KALRN: variants seen among roughly 807,000 people sequenced by gnomAD.
The protein encoded by KALRN is kalirin.
Under a neutral mutation model 353.7 loss-of-function variants are expected in KALRN, and 70 were observed. The observed-to-expected ratio is 0.20, with a 90% CI of 0.16 to 0.24. KALRN has a LOEUF of 0.24. Ranked by LOEUF, KALRN falls within the 10% of genes least tolerant of loss-of-function variation. The pLI, the probability that KALRN is intolerant of heterozygous loss-of-function variation, is 1.00. For synonymous variants in KALRN, 1,391 were observed against 1,434.8 expected, an observed-to-expected ratio of 0.97 and a Z score of 0.69; for missense variants, 2,791 against 3,756.7, an observed-to-expected ratio of 0.74 and a Z score of 6.72.
chr3:124,133,339 C>G (rs952427027), intron 1 of KALRN, among the ~76,000 whole-genome samples: 5 of 151,824 alleles, frequency 3.3e-5, no homozygotes, highest in African/African-American at 1.2e-4. Flanking sequence ...CTCTCCCCCA[C>G]CTCAAAAAAA....
chr3:124,429,986 G>A (rs948075957), intron 15 of KALRN, among the ~76,000 whole-genome samples: 6 of 152,138 alleles, frequency 3.9e-5, no homozygotes, highest in Non-Finnish European at 8.8e-5. Flanking sequence ...GGTGTGACCT[G>A]GGTATTCTCG....
chr3:124,065,632 TAAA>T lies in KALRN; in HGVS notation c.73+31837_73+31839del, dbSNP rs56298061. On this transcript the variant is annotated intron_variant, in intron 1 of 59. Transcript: ENST00000682506. ...CCATATGACTAAAACATTCCTTAGT[TAAA>T]AAAAAAAAAAAAAAAAAGAGTACAG... 5.7e-3 allele frequency among the ~76,000 whole-genome samples: 753 copies of T among 131,688 alleles called. 3 individuals are homozygous for T. The highest frequency in any genetic ancestry group is 0.034 in the East Asian group (151 of 4,476). The allele number at this position is 131,688 out of a possible 152,430, so 86.4% of individuals were successfully genotyped here.
intron 1 of KALRN, among the ~76,000 whole-genome samples, chr3:124,153,875 T>A (rs2068568182): frequency 2.0e-5 from 3 of 152,010 alleles, no homozygotes; most frequent in African/African-American, 4.8e-5. Context: ...CCAGTGATGA[T>A]GAGCATTTTT....
At chr3:124,615,374 C>A (rs920677617) in intron 34 of KALRN, among the ~76,000 whole-genome samples, 1 of 152,112 alleles carries the variant, frequency 6.6e-6, no homozygotes, top group Non-Finnish European at 1.5e-5. Flanking sequence ...ATTGGAATAA[C>A]TGTCAATATT....
intron 1 of KALRN, among the ~76,000 whole-genome samples, chr3:124,131,673 T>C (rs1247977762): frequency 6.6e-6 from 1 of 152,112 alleles, no homozygotes; most frequent in African/African-American, 2.4e-5. Flanking sequence ...TAGGAACACA[T>C]GAGGTGACTT....
chr3:124,544,486 G>A (rs903738573), intron 33 of KALRN, among the ~76,000 whole-genome samples: 5 of 152,140 alleles, frequency 3.3e-5, no homozygotes, highest in East Asian at 1.9e-4. Flanking sequence ...ACTTGTACCC[G>A]GGAGGCGGAG....
chr3:124,222,991 G>A (rs1249232553), intron 1 of KALRN, among the ~76,000 whole-genome samples: 1 of 151,836 alleles, frequency 6.6e-6, no homozygotes, highest in East Asian at 1.9e-4. Context: ...CAAGGTTCTA[G>A]GTGTATGTGA....
chr3:124,714,359 C>T (rs1412391629), intron 58 of KALRN, among the ~76,000 whole-genome samples: 2 of 152,180 alleles, frequency 1.3e-5, no homozygotes, highest in Admixed American at 6.5e-5. Context: ...TGACCCAGAA[C>T]TTCTGCCCCT....
At chr3:124,611,838 C>G (rs1168899004) in intron 34 of KALRN, among the ~76,000 whole-genome samples, 2 of 152,234 alleles carry the variant, frequency 1.3e-5, no homozygotes, top group Non-Finnish European at 2.9e-5. Flanking sequence ...ACATCCCAAA[C>G]TCGTTTCTGC....
At chr3:124,417,144 C>G (rs1576749316) in intron 14 of KALRN, among the ~76,000 whole-genome samples, 2 of 152,198 alleles carry the variant, frequency 1.3e-5, no homozygotes, top group East Asian at 3.8e-4. Flanking sequence ...TCTATTTGAG[C>G]CTCAAGTTGG....
intron 33 of KALRN, among the ~76,000 whole-genome samples, chr3:124,503,319 C>T (rs899437193): frequency 6.6e-5 from 10 of 152,234 alleles, no homozygotes; most frequent in South Asian, 2.1e-4. Flanking sequence ...AGTCACATCC[C>T]ACACCTGACA....
At chr3:124,137,720 G>A (rs1304229229) in intron 1 of KALRN, among the ~76,000 whole-genome samples, 1 of 152,120 alleles carries the variant, frequency 6.6e-6, no homozygotes, top group Non-Finnish European at 1.5e-5. Flanking sequence ...GGAGGCTGGA[G>A]GAAGAGGAGG....
At chr3:124,147,244 G>A (rs2067486731) in intron 1 of KALRN, among the ~76,000 whole-genome samples, 1 of 152,142 alleles carries the variant, frequency 6.6e-6, no homozygotes, top group African/African-American at 2.4e-5. Context: ...GGGAGCACAG[G>A]CAATAGGCTC....
intron 9 of KALRN, among the ~76,000 whole-genome samples, chr3:124,344,581 T>A (rs1473466052): frequency 6.6e-6 from 1 of 152,270 alleles, no homozygotes; most frequent in Non-Finnish European, 1.5e-5. Context: ...CAGTCTGGAT[T>A]ACTAAAGTAA....
At chr3:124,272,854 G>C (rs577138238) in intron 5 of KALRN, among the ~76,000 whole-genome samples, 1 of 152,210 alleles carries the variant, frequency 6.6e-6, no homozygotes, top group African/African-American at 2.4e-5. Flanking sequence ...GGCTTTGGAA[G>C]GGGGTGAAGA....
chr3:124,404,288 C>T (rs2091249760), intron 13 of KALRN, among the ~76,000 whole-genome samples: 1 of 152,086 alleles, frequency 6.6e-6, no homozygotes, highest in African/African-American at 2.4e-5. Flanking sequence ...TTTCTGCAGT[C>T]CCGGTGACTC....
At chr3:124,539,131 A>G (rs1451574057) in intron 33 of KALRN, among the ~76,000 whole-genome samples, 1 of 152,226 alleles carries the variant, frequency 6.6e-6, no homozygotes, top group Non-Finnish European at 1.5e-5. Context: ...GTAGCCTGCC[A>G]GATGAAGGGG....
rs1009253569 is a variant in KALRN, at chr3:124,695,763, A to G, written c.7578-371A>G. Among the ~76,000 whole-genome samples, 4 of 151,562 alleles carry G rather than the reference A, an allele frequency of 2.6e-5. No homozygotes were observed. In the South Asian group the frequency reaches 8.3e-4, roughly 32 times the overall value. On this transcript the variant is annotated intron_variant, in intron 53 of 59. Coordinates refer to ENST00000682506, the MANE Select transcript of KALRN (RefSeq NM_001388419.1). ...CCTTTTTTTTTTTCCATCATTCATT[A>G]TCGATCTGTGAAACTGAAAATATTC...
intron 1 of KALRN, among the ~76,000 whole-genome samples, chr3:124,085,885 A>G (rs2060791342): frequency 6.6e-6 from 1 of 152,250 alleles, no homozygotes. Flanking sequence ...ATAGTGAAAT[A>G]CATATTGATA....
Sources: gnomAD v4.1 joint callset for allele counts (sites outside exome capture counted in the v4.1 genomes callset) on GRCh38, gnomAD v4.1.1 for gene constraint, MANE v1.5 for transcripts, NCBI Gene and HGNC (gene_info 2026-07-23, HGNC 2026-07-21) for gene names.